The following GPC6 variants were observed in gnomAD, a reference collection of about 807,000 sequenced individuals.
GPC6 encodes the protein glypican 6, also known as glypican-6.
A neutral mutation model predicts 55.2 loss-of-function variants in GPC6; 14 were observed. That is an observed-to-expected ratio of 0.25 (90% CI 0.17 to 0.40). The LOEUF (loss-of-function observed/expected upper bound fraction) is 0.40. GPC6 is among the 10% of genes least tolerant of loss of function. The pLI, the probability that GPC6 is intolerant of heterozygous loss-of-function variation, is 1.00. For synonymous variants in GPC6, 278 were observed against 259.6 expected (o/e 1.07, Z -0.68); for missense variants, 641 against 708.5 (o/e 0.90, Z 1.08).
At chr13:94,073,628 C>A (rs978207607) in intron 4 of GPC6, among the ~76,000 whole-genome samples, 2 of 152,134 alleles carry the variant, frequency 1.3e-5, no homozygotes, top group African/African-American at 4.8e-5. Context: ...TCAGATTACA[C>A]GGAGATTCTG....
intron 1 of GPC6, among the ~76,000 whole-genome samples, chr13:93,365,111 C>A (rs914988968): frequency 6.6e-6 from 1 of 152,074 alleles, no homozygotes; most frequent in Non-Finnish European, 1.5e-5. Flanking sequence ...TAGTTTCTGC[C>A]CTTTCTCTGA....
At chr13:93,946,421 C>T (rs575252211) in intron 3 of GPC6, among the ~76,000 whole-genome samples, 52 of 152,226 alleles carry the variant, frequency 3.4e-4, no homozygotes, top group East Asian at 3.9e-4. Context: ...CATGAGCCAC[C>T]GCTCTCGCCC....
intron 2 of GPC6, among the ~76,000 whole-genome samples, chr13:93,723,252 A>G (rs1437272022): frequency 3.9e-5 from 6 of 151,948 alleles, no homozygotes; most frequent in African/African-American, 9.7e-5. Flanking sequence ...ATATTTGCAG[A>G]AAGCCAGCCT....
At chr13:93,385,959 T>C (rs984813241) in intron 1 of GPC6, among the ~76,000 whole-genome samples, 3 of 151,938 alleles carry the variant, frequency 2.0e-5, no homozygotes, top group African/African-American at 7.3e-5. Context: ...ATAATCTCCT[T>C]TTGTATGGAT....
At chr13:93,913,147 G>A (rs1385288040) in intron 3 of GPC6, among the ~76,000 whole-genome samples, 1 of 152,116 alleles carries the variant, frequency 6.6e-6, no homozygotes, top group Non-Finnish European at 1.5e-5. Flanking sequence ...CATTTTGGGG[G>A]ACACTATTCA....
At chr13:93,545,181 G>T (rs1874715251) in intron 1 of GPC6, 82 bp from the exon 2 acceptor site, 3 of 1,220,120 alleles carry the variant, frequency 2.5e-6, no homozygotes, top group Admixed American at 3.4e-5. Flanking sequence ...TGAGATTTGA[G>T]CAAAGTGTTA....
At chr13:93,884,391 C>T (rs1024267064) in intron 3 of GPC6, among the ~76,000 whole-genome samples, 24 of 151,970 alleles carry the variant, frequency 1.6e-4, no homozygotes, top group African/African-American at 5.6e-4. Flanking sequence ...TAATGCATTC[C>T]TTCAAATCAT....
intron 4 of GPC6, among the ~76,000 whole-genome samples, chr13:94,131,748 G>A (rs1207250567): frequency 1.3e-5 from 2 of 152,080 alleles, no homozygotes; most frequent in Admixed American, 1.3e-4. Context: ...TATGAACATT[G>A]ATGATTCTGT....
chr13:93,963,787 T>C (rs983053861), intron 3 of GPC6, among the ~76,000 whole-genome samples: 2 of 152,174 alleles, frequency 1.3e-5, no homozygotes, highest in African/African-American at 4.8e-5. Context: ...CTACAGCTAA[T>C]TTTCAAACAG....
intron 1 of GPC6, among the ~76,000 whole-genome samples, chr13:93,249,688 T>A (rs939208148): frequency 6.6e-6 from 1 of 152,226 alleles, no homozygotes; most frequent in South Asian, 2.1e-4. Context: ...TTTCCAGTGG[T>A]AACTAGCAGA....
chr13:93,429,657 A>G (rs1019215168), intron 1 of GPC6, among the ~76,000 whole-genome samples: 1 of 152,106 alleles, frequency 6.6e-6, no homozygotes, highest in Non-Finnish European at 1.5e-5. Context: ...CAATTGCTGT[A>G]TTGGCATCTG....
At position 93,567,453 on chromosome 13, in the gene GPC6, T is replaced by C. The variant is rs568587182; in HGVS notation, c.319+22032T>C. On this transcript the variant is annotated intron_variant, in intron 2 of 8. Transcript: ENST00000377047. ...ACATTTTGTTAGACATAAAATAATC[T>C]TGTTAGCCTATTGTTCTATTGAAAC... 2.6e-5 allele frequency among the ~76,000 whole-genome samples: 4 copies of C among 152,168 alleles called. No homozygotes were observed. The South Asian group carries it at 8.3e-4, about 32-fold the overall frequency.
intron 3 of GPC6, among the ~76,000 whole-genome samples, chr13:93,985,542 A>G (rs1014047453): frequency 1.3e-5 from 2 of 151,890 alleles, no homozygotes; most frequent in Admixed American, 1.3e-4. Flanking sequence ...AAAAAACTAA[A>G]AAAAGGGTGT....
chr13:93,599,002 T>G (rs1877889791), intron 2 of GPC6, among the ~76,000 whole-genome samples: 1 of 152,226 alleles, frequency 6.6e-6, no homozygotes, highest in Non-Finnish European at 1.5e-5. Flanking sequence ...AGTTCTACTC[T>G]TCATACACTT....
chr13:94,003,126 G>A (rs1881876119), intron 3 of GPC6, among the ~76,000 whole-genome samples: 1 of 152,112 alleles, frequency 6.6e-6, no homozygotes, highest in Non-Finnish European at 1.5e-5. Flanking sequence ...CCAGTGTCAT[G>A]GTCAATAACA....
intron 3 of GPC6, among the ~76,000 whole-genome samples, chr13:94,013,491 C>T (rs760438862): frequency 6.6e-6 from 1 of 152,166 alleles, no homozygotes; most frequent in Non-Finnish European, 1.5e-5. Context: ...GCTGGGATTA[C>T]AGGCATGTGC....
intron 3 of GPC6, among the ~76,000 whole-genome samples, chr13:93,928,499 C>T (rs1296246564): frequency 6.6e-6 from 1 of 152,048 alleles, no homozygotes; most frequent in African/African-American, 2.4e-5. Context: ...TCAAGTAGTA[C>T]ATTCATGAGC....
At chr13:94,333,976 G>C (rs4143992) in intron 6 of GPC6, among the ~76,000 whole-genome samples, 22,856 of 152,160 alleles carry the variant, frequency 0.15, 1,982 homozygotes, top group East Asian at 0.3. Context: ...AAAATGAAAT[G>C]ACAACTTTGA....
chr13:93,316,370 T>G (rs965180421), intron 1 of GPC6, among the ~76,000 whole-genome samples: 2 of 152,104 alleles, frequency 1.3e-5, no homozygotes, highest in African/African-American at 4.8e-5. Flanking sequence ...TCTTTCATGC[T>G]TTTCATACAC....
Sources: gnomAD v4.1 joint callset for allele counts (sites outside exome capture counted in the v4.1 genomes callset) on GRCh38, gnomAD v4.1.1 for gene constraint, MANE v1.5 for transcripts, NCBI Gene and HGNC (gene_info 2026-07-23, HGNC 2026-07-21) for gene names.